The following USP44 variants were observed in gnomAD, a reference collection of about 807,000 sequenced individuals.
The protein encoded by USP44 is ubiquitin specific peptidase 44, also known as ubiquitin carboxyl-terminal hydrolase 44.
In USP44, 61 loss-of-function variants were observed where a neutral mutation model predicts 69.0. That is an observed-to-expected ratio of 0.88 (90% CI 0.72 to 1.09). The LOEUF (loss-of-function observed/expected upper bound fraction) is 1.09. Among genes scored for constraint, USP44 ranks in the 50% least tolerant of loss-of-function variants. The pLI is 0.00. For missense variants in USP44, 753 were observed against 849.9 expected (o/e 0.89, Z 1.42); for synonymous variants, 297 against 295.4 (o/e 1.01, Z -0.06).
Position 95,518,258 on chromosome 12 carries a change from C to A in USP44, c.2035G>T (p.Val679Phe), listed in dbSNP as rs150800253. ...AGTTTAGAATGTCCATTCTCAGTAA[C>A]TCGTTGGGTATAAAACAAGATATAA... ...QAYILFYTQR[V>F]TENGHSKLLP... is the part of the protein sequence containing the mutation. Residue 679 changes from valine (V) to phenylalanine (F), a missense_variant, in exon 6 of 6, where the codon GTT (valine) becomes TTT (phenylalanine). Physicochemically the swap from Val to Phe is conservative, Grantham distance 50. Coordinates refer to ENST00000258499, the MANE Select transcript of USP44 (RefSeq NM_032147.5). 1.5e-5 allele frequency: 24 copies of A among 1,614,034 alleles called. No homozygotes were observed. Among genetic ancestry groups the A allele is most frequent in the Non-Finnish European group, 8.5e-7 (1 of 1,180,044 alleles).
intron 1 of USP44, chr12:95,535,445 AC>A (rs1176513897): frequency 6.6e-6 from 1 of 152,202 alleles, no homozygotes; most frequent in Non-Finnish European, 1.5e-5. Context: ...AAAGAGAAAG[AC>A]AGAAGAGGAG....
At chr12:95,549,834 G>C (rs559909752) in intron 1 of USP44, among the ~76,000 whole-genome samples, 1 of 152,060 alleles carries the variant, frequency 6.6e-6, no homozygotes, top group Non-Finnish European at 1.5e-5. Flanking sequence ...CACCGTAAAA[G>C]GCAAGAAGGA....
At chr12:95,524,610 T>C in intron 4 of USP44, 70 bp downstream of exon 4, 1 of 1,174,578 alleles carries the variant, frequency 8.5e-7, no homozygotes. Context: ...AATTATAACA[T>C]GCATTCTTTA....
chr12:95,527,442 A>G (rs774867421), intron 3 of USP44, among the ~76,000 whole-genome samples: 2 of 151,884 alleles, frequency 1.3e-5, no homozygotes, highest in African/African-American at 2.4e-5. Flanking sequence ...CTTAACTCCC[A>G]CTACATATAC....
chr12:95,533,815 T>A lies in USP44; in HGVS notation c.442A>T (p.Thr148Ser), dbSNP rs952487789. ...ATCCTTCTCCTGTGCCAAAGAGCAG[T>A]ATACAGTTGATCTTCACTTTGAAGC... is the stretch of plus-strand genomic sequence containing the variant. ...SLLQSEDQLYTALWHRRRILM... is the reference protein window; with the variant it reads ...SLLQSEDQLYSALWHRRRILM... The change falls in exon 2 of 6, where the codon ACT becomes TCT. Residue 148 changes from threonine to serine, a missense_variant. Physicochemically the swap from Thr to Ser is moderately conservative, Grantham distance 58. Transcript: ENST00000258499. 1.2e-5 allele frequency: 19 copies of A among 1,614,072 alleles called. No individual in the cohort carries two copies. Among genetic ancestry groups the A allele is most frequent in the Non-Finnish European group, 1.6e-5 (19 of 1,180,040 alleles).
intron 1 of USP44, among the ~76,000 whole-genome samples, chr12:95,543,087 CAAAAAAA>C (rs556889371): frequency 9.1e-6 from 1 of 110,322 alleles, no homozygotes; most frequent in Non-Finnish European, 1.9e-5. Context: ...GACTCTGTCT[CAAAAAAA>C]AAAAAGAAAG....
At chr12:95,524,619 T>C (rs530566860) in intron 4 of USP44, 61 bp downstream of exon 4, 469 of 1,291,506 alleles carry the variant, frequency 3.6e-4, no homozygotes, top group Non-Finnish European at 4.8e-4. Context: ...ATGCATTCTT[T>C]AAGTTTTGAA....
rs7310029 is a variant in USP44 at position 95,548,592 on chromosome 12, T to C, written c.-71+2680A>G. 42,657 of 152,554 alleles carry C rather than the reference T, an allele frequency of 0.28. 8,475 individuals are homozygous for C. The highest frequency in any genetic ancestry group is 0.69 in the East Asian group (3,512 of 5,116). 9.5% of individuals were successfully genotyped at this position (152,554 alleles called of 1,614,324 possible). A position where few individuals can be genotyped will look rare whatever the true frequency, so the allele number is the denominator to read the frequency against. On this transcript the variant is annotated intron_variant, in intron 1 of 5. Transcript: ENST00000258499. This position sits in a 1 kb window ranked among gnomAD's most constrained non-coding sequence, Gnocchi z 4.1. ...TCGCCGCCGCGCGCCCCTCGGCTCATTCCCTTCCGCGCGCCCGCAGCCCCA... is the reference window on the plus strand; with the variant it reads ...TCGCCGCCGCGCGCCCCTCGGCTCACTCCCTTCCGCGCGCCCGCAGCCCCA...
intron 1 of USP44, among the ~76,000 whole-genome samples, chr12:95,551,053 T>C (rs1329467120): frequency 6.6e-6 from 1 of 152,184 alleles, no homozygotes; most frequent in Non-Finnish European, 1.5e-5. Context: ...TATCTAGGCC[T>C]AAATTATAGC....
chr12:95,534,542 C>A (rs562250333), intron 1 of USP44, among the ~76,000 whole-genome samples: 1 of 152,208 alleles, frequency 6.6e-6, no homozygotes, highest in East Asian at 1.9e-4. Flanking sequence ...TAATGAGGCG[C>A]CTTTAGCTTT....
At chr12:95,537,320 A>G (rs555115148) in intron 1 of USP44, among the ~76,000 whole-genome samples, 1 of 152,144 alleles carries the variant, frequency 6.6e-6, no homozygotes, top group South Asian at 2.1e-4. Flanking sequence ...AATAATTTTT[A>G]TATTATTTTA....
intron 1 of USP44, among the ~76,000 whole-genome samples, chr12:95,543,406 C>CAAAAAAAAAAAAAAAAAAAAAAAA (rs60127958): frequency 4.6e-5 from 2 of 43,150 alleles, no homozygotes; most frequent in African/African-American, 1.7e-4. Context: ...GACTCTTTCT[C>CAAAAAAAAAAAAAAAAAAAAAAAA]AAAAAAAAAA....
In USP44 at chr12:95,533,979, C is replaced by G; in HGVS notation, c.278G>C (p.Gly93Ala). ...TGTACGTCGTAGTAACTTCAGGTCT[C>G]CAGTTGTGTTATCATTCAGAACATA... The part of the protein sequence containing the change: ...DDYVLNDNTT[G>A]DLKLLRRTLS... Residue 93 changes from glycine to alanine, a missense_variant, in exon 2 of 6, where the codon GGA becomes GCA. Physicochemically the swap from Gly to Ala is moderately conservative, Grantham distance 60 (BLOSUM62 0). Transcript: ENST00000258499. The G allele has an allele frequency of 6.2e-7, 1 of 1,614,136 alleles. No individual in the cohort carries two copies. Among genetic ancestry groups the G allele is most frequent in the Non-Finnish European group, 8.5e-7 (1 of 1,180,018 alleles).
chr12:95,521,829 G>T (rs2140218048), intron 4 of USP44, among the ~76,000 whole-genome samples: 1 of 152,248 alleles, frequency 6.6e-6, no homozygotes, highest in East Asian at 1.9e-4. Flanking sequence ...GCCAGGATAT[G>T]AAGAGGGTTA....
At chr12:95,545,969 T>C (rs554323243) in intron 1 of USP44, among the ~76,000 whole-genome samples, 19 of 152,318 alleles carry the variant, frequency 1.2e-4, no homozygotes, top group African/African-American at 4.1e-4. Context: ...CCCTTGGGCC[T>C]TCCTCATGTC....
chr12:95,524,155 A>T (rs1326672868), intron 4 of USP44, among the ~76,000 whole-genome samples: 4 of 151,976 alleles, frequency 2.6e-5, no homozygotes. Flanking sequence ...ATATCGGCTC[A>T]CTGCAACCTC....
At chr12:95,522,172 G>C (rs868451733) in intron 4 of USP44, 1 of 937,758 alleles carries the variant, frequency 1.1e-6, no homozygotes. Context: ...ATCCAGTTTG[G>C]GGTAGTATGG....
At position 95,533,982 on chromosome 12, in the gene USP44, G is replaced by A. The variant is rs776378506; in HGVS notation, c.275C>T (p.Thr92Ile). ...CDDYVLNDNT[T>I]GDLKLLRRTL... is the part of the protein sequence containing the mutation. ...ACGTCGTAGTAACTTCAGGTCTCCA[G>A]TTGTGTTATCATTCAGAACATAATC... Residue 92 changes from threonine to isoleucine, a missense_variant, in exon 2 of 6, where the codon ACT becomes ATT. Physicochemically the swap from Thr to Ile is moderately conservative, Grantham distance 89. Coordinates refer to ENST00000258499, the MANE Select transcript of USP44 (RefSeq NM_032147.5). The A allele has an allele frequency of 2.5e-6, 4 of 1,614,160 alleles. No individual in the cohort carries two copies. The highest frequency in any genetic ancestry group is 3.4e-6 in the Non-Finnish European group (4 of 1,180,024).
intron 1 of USP44, among the ~76,000 whole-genome samples, chr12:95,542,055 A>AT (rs781697361): frequency 5.3e-5 from 8 of 151,584 alleles, no homozygotes; most frequent in Non-Finnish European, 7.4e-5. Context: ...TAACTTTCAT[A>AT]TTTTTTGTAG....
Sources: gnomAD v4.1 joint callset for allele counts (sites outside exome capture counted in the v4.1 genomes callset) on GRCh38, gnomAD v4.1.1 for gene constraint, Gnocchi (gnomAD v3.1) non-coding constraint, MANE v1.5 for transcripts, NCBI Gene and HGNC (gene_info 2026-07-23, HGNC 2026-07-21) for gene names.